EYA2: variants seen among roughly 807,000 people sequenced by gnomAD.
The protein encoded by EYA2 is protein phosphatase EYA2.
In EYA2, 31 loss-of-function variants were observed where a neutral mutation model predicts 69.2. The observed-to-expected ratio is 0.45, with a 90% CI of 0.34 to 0.60. The LOEUF (loss-of-function observed/expected upper bound fraction) is 0.60. Ranked by LOEUF, EYA2 falls within the 20% of genes least tolerant of loss-of-function variation. EYA2 has a pLI of 0.02. For synonymous variants in EYA2, 257 were observed against 279.4 expected, an observed-to-expected ratio of 0.92 and a Z score of 0.80; for missense variants, 622 against 701.2, an observed-to-expected ratio of 0.89 and a Z score of 1.28.
At chr20:47,136,373 C>A (rs1042661645) in intron 9 of EYA2, among the ~76,000 whole-genome samples, 1 of 152,198 alleles carries the variant, frequency 6.6e-6, no homozygotes, top group African/African-American at 2.4e-5. Context: ...CTCTCCCTTT[C>A]ATCCAAGAAA....
intron 1 of EYA2, among the ~76,000 whole-genome samples, chr20:46,896,995 A>T (rs1363777707): frequency 6.9e-6 from 1 of 144,888 alleles, no homozygotes; most frequent in Non-Finnish European, 1.5e-5. Context: ...AAAGATGTGT[A>T]TCTCAATACT....
Position 47,089,167 on chromosome 20 carries a change from G to A in EYA2, c.662-72G>A. 7.6e-6 allele frequency: 12 copies of A among 1,568,770 alleles called. No homozygotes were observed. The South Asian group carries it at 1.4e-4, about 18-fold the overall frequency. On this transcript the variant is annotated intron_variant, in intron 7 of 15. Transcript: ENST00000327619. Reference sequence around the variant, plus strand: ...CACTGCTTTGGAGCTAGACGGTGCTGTTGGGATATTTCCCAGGAGGAGACA... The same window carrying A: ...CACTGCTTTGGAGCTAGACGGTGCTATTGGGATATTTCCCAGGAGGAGACA...
intron 1 of EYA2, among the ~76,000 whole-genome samples, chr20:46,986,326 CTCTA>C (rs931220845): frequency 1.4e-4 from 18 of 128,322 alleles, no homozygotes; most frequent in Non-Finnish European, 2.2e-4. Context: ...TATATAATAT[CTCTA>C]TATATCTAAT....
chr20:47,024,930 A>G (rs1476950873), intron 5 of EYA2, among the ~76,000 whole-genome samples: 1 of 152,232 alleles, frequency 6.6e-6, no homozygotes, highest in Non-Finnish European at 1.5e-5. Flanking sequence ...TAAAATACCA[A>G]ACACAAGCAA....
intron 10 of EYA2, among the ~76,000 whole-genome samples, chr20:47,158,941 A>G (rs2034010258): frequency 1.3e-5 from 2 of 152,074 alleles, no homozygotes; most frequent in Non-Finnish European, 2.9e-5. Context: ...TAAAAGCTGG[A>G]ATAATAAAAT....
intron 1 of EYA2, among the ~76,000 whole-genome samples, chr20:46,914,795 G>C (rs1343371378): frequency 1.3e-5 from 2 of 152,138 alleles, no homozygotes; most frequent in Non-Finnish European, 2.9e-5. Flanking sequence ...CAGATTCAAG[G>C]AGATAATGGG....
At chr20:46,936,706 G>T (rs1019192955) in intron 1 of EYA2, among the ~76,000 whole-genome samples, 1 of 152,116 alleles carries the variant, frequency 6.6e-6, no homozygotes, top group Non-Finnish European at 1.5e-5. Context: ...CAGAACAGGA[G>T]AAGGAGGCTG....
chr20:46,930,478 C>G (rs901632616), intron 1 of EYA2, among the ~76,000 whole-genome samples: 1 of 151,968 alleles, frequency 6.6e-6, no homozygotes, highest in South Asian at 2.1e-4. Flanking sequence ...TGCATATACA[C>G]GAAGCTCAGT....
intron 1 of EYA2, among the ~76,000 whole-genome samples, chr20:46,960,920 C>T (rs1343581512): frequency 6.6e-6 from 1 of 152,142 alleles, no homozygotes; most frequent in Admixed American, 6.5e-5. Flanking sequence ...TTCTGCAGCC[C>T]CCAGAAAGCA....
chr20:46,934,421 G>A (rs1170087317), intron 1 of EYA2, among the ~76,000 whole-genome samples: 1 of 152,036 alleles, frequency 6.6e-6, no homozygotes, highest in Non-Finnish European at 1.5e-5. Context: ...AGTGGCAGCA[G>A]AAAGAGGGCT....
chr20:47,056,197 C>T (rs536225746), intron 5 of EYA2, among the ~76,000 whole-genome samples: 28 of 152,120 alleles, frequency 1.8e-4, no homozygotes, highest in Non-Finnish European at 3.4e-4. Context: ...AGACAGGCTC[C>T]GGGTGTGGGT....
At chr20:47,098,747 C>T (rs1469044954) in intron 9 of EYA2, among the ~76,000 whole-genome samples, 1 of 152,228 alleles carries the variant, frequency 6.6e-6, no homozygotes, top group Non-Finnish European at 1.5e-5. Flanking sequence ...CTCTTGCCCA[C>T]TGCAGCCCCC....
chr20:46,931,852 C>G (rs1398587050), intron 1 of EYA2, among the ~76,000 whole-genome samples: 1 of 152,068 alleles, frequency 6.6e-6, no homozygotes, highest in Admixed American at 6.6e-5. Flanking sequence ...GCTGATCAAG[C>G]ATTTGCCTTC....
chr20:47,188,020 C>A, intron 15 of EYA2, 33 bp from the exon 16 acceptor site: 1 of 1,553,964 alleles, frequency 6.4e-7, no homozygotes, highest in Non-Finnish European at 8.7e-7. Context: ...AGGGGCGGGG[C>A]CATAACCTTG....
intron 5 of EYA2, among the ~76,000 whole-genome samples, chr20:47,059,688 G>C (rs899103580): frequency 1.3e-5 from 2 of 152,232 alleles, no homozygotes; most frequent in Non-Finnish European, 2.9e-5. Context: ...CTGGGAAAGT[G>C]AGAAAGTTTC....
intron 5 of EYA2, among the ~76,000 whole-genome samples, chr20:47,066,171 C>T (rs568095927): frequency 6.6e-6 from 1 of 152,200 alleles, no homozygotes; most frequent in East Asian, 1.9e-4. Flanking sequence ...AAAACTCCAT[C>T]TCTACAAAAA....
chr20:46,971,851 T>C (rs1377571029), intron 1 of EYA2, among the ~76,000 whole-genome samples: 1 of 152,254 alleles, frequency 6.6e-6, no homozygotes, highest in African/African-American at 2.4e-5. Context: ...CATTTTTCAA[T>C]ATTCATTTCG....
At chr20:47,001,796 T>TA (rs949312641) in intron 3 of EYA2, among the ~76,000 whole-genome samples, 4 of 151,600 alleles carry the variant, frequency 2.6e-5, no homozygotes, top group Non-Finnish European at 2.9e-5. Flanking sequence ...TCTTTTTTTT[T>TA]TTTTTATTCT....
At chr20:47,098,799 T>C (rs2032337241) in intron 9 of EYA2, among the ~76,000 whole-genome samples, 1 of 152,174 alleles carries the variant, frequency 6.6e-6, no homozygotes. Flanking sequence ...GCCATATCAC[T>C]CTCCAGCCGA....
Sources: allele counts gnomAD v4.1 joint callset (sites outside exome capture counted in the v4.1 genomes callset), GRCh38; gene constraint gnomAD v4.1.1; transcripts MANE v1.5; gene names NCBI Gene and HGNC (gene_info 2026-07-23, HGNC 2026-07-21).